Variants in SPAG9 observed in about 807,000 individuals in gnomAD.
The protein encoded by SPAG9 is sperm associated antigen 9.
A neutral mutation model predicts 166.5 loss-of-function variants in SPAG9; 35 were observed. That is an observed-to-expected ratio of 0.21 (90% CI 0.16 to 0.28). The LOEUF (loss-of-function observed/expected upper bound fraction) is 0.28, where lower values mean the gene tolerates loss of function less well. Among genes scored for constraint, SPAG9 ranks in the 10% least tolerant of loss-of-function variants. The pLI is 1.00. For missense variants in SPAG9, 1,235 were observed against 1,603.3 expected (o/e 0.77, Z 3.92); for synonymous variants, 534 against 565.5 (o/e 0.94, Z 0.79).
intron 14 of SPAG9, among the ~76,000 whole-genome samples, chr17:50,998,976 G>A (rs943345634): frequency 2.0e-5 from 3 of 152,156 alleles, no homozygotes; most frequent in African/African-American, 7.2e-5. Flanking sequence ...TTGTTAAACC[G>A]CAAGGTTATG....
chr17:51,120,219 G>A lies in SPAG9; in HGVS notation c.303+135C>T, dbSNP rs1441220246. Reference sequence around the variant, plus strand: ...GGGGTACCTGGAGGCCGCCGGGATCGGTCCCAGGGGGCATCGGCCTCAGGC... The same window carrying A: ...GGGGTACCTGGAGGCCGCCGGGATCAGTCCCAGGGGGCATCGGCCTCAGGC... On this transcript the variant is annotated intron_variant, in intron 1 of 29. Transcript: ENST00000262013. The surrounding 1 kb of genome is among the most constrained non-coding windows in gnomAD (Gnocchi z 4.7). The A allele has an allele frequency of 8.4e-5, 57 of 674,828 alleles. No individual in the cohort carries two copies. The highest frequency in any genetic ancestry group is 1.2e-4 in the Non-Finnish European group (56 of 456,626). 41.8% of individuals were successfully genotyped at this position (674,828 alleles called of 1,614,324 possible).
intron 1 of SPAG9, among the ~76,000 whole-genome samples, chr17:51,100,816 G>A (rs1371739930): frequency 6.6e-6 from 1 of 152,118 alleles, no homozygotes; most frequent in African/African-American, 2.4e-5. Context: ...CTACTTGGGA[G>A]GCTGAGGCAA....
At chr17:51,065,516 T>C (rs1305147490) in intron 2 of SPAG9, among the ~76,000 whole-genome samples, 1 of 152,198 alleles carries the variant, frequency 6.6e-6, no homozygotes, top group Non-Finnish European at 1.5e-5. Context: ...TCTCTTCTCT[T>C]CCTCAGATAA....
chr17:51,112,997 A>C (rs143065416), intron 1 of SPAG9, among the ~76,000 whole-genome samples: 164 of 143,526 alleles, frequency 1.1e-3, no homozygotes, highest in Non-Finnish European at 1.8e-3. Flanking sequence ...CAACCAAAGG[A>C]AAAAAAAATC....
In SPAG9 at chr17:50,977,225, TAAAG is replaced by T. The variant is rs1390161273; in HGVS notation, c.3410-8_3410-5del. 1 of 1,566,036 alleles carries T rather than the reference TAAAG, an allele frequency of 6.4e-7. No homozygotes were observed. Among genetic ancestry groups the T allele is most frequent in the East Asian group, 2.2e-5 (1 of 44,572 alleles). ...GAGAAGCCCAGTTTTCCAGTACCTG[TAAAG>T]AAAGGAGGGAACACGTTATTGAGAA... On this transcript the variant is annotated splice_polypyrimidine_tract_variant and splice_region_variant and intron_variant, in intron 26 of 29. Coordinates refer to ENST00000262013, the MANE Select transcript of SPAG9 (RefSeq NM_001130528.3).
chr17:51,077,073 TCTAG>T (rs1188442565), intron 2 of SPAG9, among the ~76,000 whole-genome samples: 7 of 115,974 alleles, frequency 6.0e-5, no homozygotes, highest in Non-Finnish European at 1.3e-4. Context: ...TAGCTAGCTA[TCTAG>T]CTATCTAGCT....
At chr17:51,060,574 G>A (rs1458874400) in intron 2 of SPAG9, among the ~76,000 whole-genome samples, 1 of 151,206 alleles carries the variant, frequency 6.6e-6, no homozygotes, top group South Asian at 2.1e-4. Context: ...CATTAAGGTG[G>A]GGCCCTGATC....
intron 3 of SPAG9, among the ~76,000 whole-genome samples, chr17:51,051,429 G>A (rs752395855): frequency 1.5e-4 from 23 of 152,080 alleles, no homozygotes; most frequent in Non-Finnish European, 2.6e-4. Flanking sequence ...GTTATTAAAA[G>A]TTCAGGGAGA....
intron 24 of SPAG9, among the ~76,000 whole-genome samples, chr17:50,983,337 G>A (rs77700106): frequency 1.5e-3 from 236 of 152,262 alleles, no homozygotes; most frequent in African/African-American, 5.4e-3. Context: ...AAACTTCTTC[G>A]TTACAGCCCT....
chr17:50,973,932 C>T (rs781379622), intron 28 of SPAG9, among the ~76,000 whole-genome samples: 7 of 152,206 alleles, frequency 4.6e-5, no homozygotes, highest in Non-Finnish European at 8.8e-5. Flanking sequence ...AACAGTAACT[C>T]TCTCTTCATA....
At chr17:51,011,033 C>T (rs752621609) in intron 9 of SPAG9, among the ~76,000 whole-genome samples, 12 of 151,918 alleles carry the variant, frequency 7.9e-5, no homozygotes, top group African/African-American at 2.9e-4. Context: ...AGGTAAGAGT[C>T]GAGACAGGAA....
intron 1 of SPAG9, among the ~76,000 whole-genome samples, chr17:51,088,289 G>A (rs1254245449): frequency 1.3e-5 from 2 of 152,180 alleles, no homozygotes; most frequent in Non-Finnish European, 2.9e-5. Flanking sequence ...GCAGCATGAT[G>A]ATATTTACTA....
chr17:51,098,616 C>T (rs2048710263), intron 1 of SPAG9, among the ~76,000 whole-genome samples: 1 of 152,054 alleles, frequency 6.6e-6, no homozygotes, highest in Non-Finnish European at 1.5e-5. Context: ...ACTCAGCCTC[C>T]CCAGTAGCTG....
chr17:51,077,097 TCTAGCTAGCTATCTAG>T (rs1395914778), intron 2 of SPAG9, among the ~76,000 whole-genome samples: 6 of 115,664 alleles, frequency 5.2e-5, no homozygotes, highest in African/African-American at 1.7e-4. Context: ...TAGCTATCTA[TCTAGCTAGCTATCTAG>T]CTATCTAGCT....
chr17:51,019,777 G>A (rs890063925), intron 8 of SPAG9, among the ~76,000 whole-genome samples: 6 of 152,114 alleles, frequency 3.9e-5, no homozygotes, highest in African/African-American at 1.4e-4. Context: ...GCTTGAACCT[G>A]GGAGGCGGAG....
At position 51,076,412 on chromosome 17, in the gene SPAG9, G is replaced by C. The variant is rs141181080; in HGVS notation, c.424+3172C>G. 1.1e-3 allele frequency among the ~76,000 whole-genome samples: 164 copies of C among 151,272 alleles called. 1 individual carries two copies. The East Asian group carries it at 0.026, about 24-fold the overall frequency. On this transcript the variant is annotated intron_variant, in intron 2 of 29. Transcript: ENST00000262013. ...CACACGTTAGACAGAGTGAGATCCGGTTTCAATAAATAATAATTTCTTATT... is the reference window on the plus strand; with the variant it reads ...CACACGTTAGACAGAGTGAGATCCGCTTTCAATAAATAATAATTTCTTATT...
chr17:51,120,722 G>A lies in SPAG9; in HGVS notation c.-66C>T, dbSNP rs2049455243. 1 of 1,401,944 alleles carries A rather than the reference G, an allele frequency of 7.1e-7. No homozygotes were observed. The highest frequency in any genetic ancestry group is 2.2e-5 in the Admixed American group (1 of 45,574). 86.8% of individuals were successfully genotyped at this position (1,401,944 alleles called of 1,614,324 possible). A position where few individuals can be genotyped will look rare whatever the true frequency, so the allele number is the denominator to read the frequency against. On this transcript the variant is annotated 5_prime_UTR_variant, in exon 1 of 30. Coordinates refer to ENST00000262013, the MANE Select transcript of SPAG9 (RefSeq NM_001130528.3). This position sits in a 1 kb window ranked among gnomAD's most constrained non-coding sequence, Gnocchi z 4.7. Reference sequence around the variant, plus strand: ...CAGAGGGGCGGCACCTGCCCGCACGGGACGGACCCGACTCGGGCTGGGACG... The same window carrying A: ...CAGAGGGGCGGCACCTGCCCGCACGAGACGGACCCGACTCGGGCTGGGACG...
intron 25 of SPAG9, among the ~76,000 whole-genome samples, chr17:50,981,450 CTAAT>C (rs1974598376): frequency 6.8e-6 from 1 of 147,964 alleles, no homozygotes; most frequent in South Asian, 2.1e-4. Context: ...AGATAGCTAG[CTAAT>C]TAGATAGATA....
At chr17:51,110,575 T>C (rs148928698) in intron 1 of SPAG9, among the ~76,000 whole-genome samples, 58 of 151,970 alleles carry the variant, frequency 3.8e-4, no homozygotes, top group African/African-American at 1.4e-3. Flanking sequence ...TGTAGTCCCA[T>C]CTACTTGGGA....
Sources: gnomAD v4.1 joint callset for allele counts (sites outside exome capture counted in the v4.1 genomes callset) on GRCh38, gnomAD v4.1.1 for gene constraint, Gnocchi (gnomAD v3.1) non-coding constraint, MANE v1.5 for transcripts, NCBI Gene and HGNC (gene_info 2026-07-23, HGNC 2026-07-21) for gene names.